HDAC4: variants seen among roughly 807,000 people sequenced by gnomAD.
The protein encoded by HDAC4 is histone deacetylase 4, also known as histone deacetylase A.
In HDAC4, 16 loss-of-function variants were observed where a neutral mutation model predicts 135.1. The ratio of observed to expected loss-of-function variants is 0.12; its 90% CI spans 0.08 to 0.18. HDAC4 has a LOEUF of 0.18. Ranked by LOEUF, HDAC4 falls within the 10% of genes least tolerant of loss-of-function variation. The pLI is 1.00. For missense variants in HDAC4, 1,143 were observed against 1,511.8 expected (o/e 0.76, Z 4.05); for synonymous variants, 685 against 653.4 (o/e 1.05, Z -0.74).
At chr2:239,105,208 G>A (rs953682102) in intron 15 of HDAC4, among the ~76,000 whole-genome samples, 2 of 152,214 alleles carry the variant, frequency 1.3e-5, no homozygotes, top group African/African-American at 4.8e-5. Flanking sequence ...AGCAAACACA[G>A]GCTTGGGGCA....
rs914061446 is a variant in HDAC4, at chr2:239,303,810, G to A, written c.22+48868C>T. Among the ~76,000 whole-genome samples, 2 of 152,134 alleles carry A rather than the reference G, an allele frequency of 1.3e-5. No homozygotes were observed. Among genetic ancestry groups the A allele is most frequent in the South Asian group, 2.1e-4 (1 of 4,828 alleles). On this transcript the variant is annotated intron_variant, in intron 2 of 26. Coordinates refer to ENST00000543185, the MANE Select transcript of HDAC4 (RefSeq NM_001378414.1). The surrounding 1 kb of genome is among the most constrained non-coding windows in gnomAD (Gnocchi z 5.1). Reference sequence around the variant, plus strand: ...TGCTCAACTGCAGGGCGCGGCACTCGCCTATGCTCTCATGAAGCCCCGTGC... The same window carrying A: ...TGCTCAACTGCAGGGCGCGGCACTCACCTATGCTCTCATGAAGCCCCGTGC...
At chr2:239,116,622 C>T (rs954626875) in intron 12 of HDAC4, among the ~76,000 whole-genome samples, 8 of 152,220 alleles carry the variant, frequency 5.3e-5, no homozygotes, top group South Asian at 2.1e-4. Context: ...AGTGAGGGCA[C>T]GCTTTCAAAC....
chr2:239,124,773 T>A (rs1416644172), intron 12 of HDAC4, among the ~76,000 whole-genome samples: 1 of 98,706 alleles, frequency 1.0e-5, no homozygotes, highest in African/African-American at 4.0e-5. Flanking sequence ...GACATTCTGG[T>A]GTGCTGGCGT....
At chr2:239,087,038 C>A (rs2036041094) in intron 19 of HDAC4, among the ~76,000 whole-genome samples, 1 of 152,166 alleles carries the variant, frequency 6.6e-6, no homozygotes, top group Non-Finnish European at 1.5e-5. Context: ...GGACCCACAC[C>A]CCACACTCGC....
intron 2 of HDAC4, among the ~76,000 whole-genome samples, chr2:239,283,480 G>A (rs2050942925): frequency 6.6e-6 from 1 of 152,214 alleles, no homozygotes; most frequent in Admixed American, 6.5e-5. Context: ...CCACCGCGAG[G>A]GGCCTGGGAC....
Position 239,245,035 on chromosome 2 carries a change from T to C in HDAC4, c.23-8371A>G, listed in dbSNP as rs1559277846. On this transcript the variant is annotated intron_variant, in intron 2 of 26. Coordinates refer to ENST00000543185, the MANE Select transcript of HDAC4 (RefSeq NM_001378414.1). This position sits in a 1 kb window ranked among gnomAD's most constrained non-coding sequence, Gnocchi z 4.4. Reference sequence around the variant, plus strand: ...CTGCCCATTAATAGAAATTAAACTTTAATGAGTAAGTGCTGTGAATTCCTC... The same window carrying C: ...CTGCCCATTAATAGAAATTAAACTTCAATGAGTAAGTGCTGTGAATTCCTC... 6.6e-6 allele frequency among the ~76,000 whole-genome samples: 1 copy of C among 152,218 alleles called. No individual in the cohort carries two copies. The highest frequency in any genetic ancestry group is 2.4e-5 in the African/African-American group (1 of 41,446).
chr2:239,226,554 C>T (rs965274738), intron 3 of HDAC4, among the ~76,000 whole-genome samples: 1 of 152,190 alleles, frequency 6.6e-6, no homozygotes, highest in African/African-American at 2.4e-5. Context: ...TCCACGACGC[C>T]CCAACCAATA....
intron 2 of HDAC4, among the ~76,000 whole-genome samples, chr2:239,242,077 A>AGAAG (rs143185918): frequency 0.046 from 6,817 of 149,294 alleles, 580 homozygotes; most frequent in African/African-American, 0.16. Context: ...AGAAAGAAAG[A>AGAAG]GAAGGAAGGA....
chr2:239,350,204 A>C (rs1693027334), intron 2 of HDAC4, among the ~76,000 whole-genome samples: 1 of 152,202 alleles, frequency 6.6e-6, no homozygotes, highest in Non-Finnish European at 1.5e-5. Context: ...AACATTAAAC[A>C]AAGAGAAATA....
chr2:239,263,478 G>A (rs191760455), intron 2 of HDAC4, among the ~76,000 whole-genome samples: 186 of 152,100 alleles, frequency 1.2e-3, no homozygotes, highest in Non-Finnish European at 1.5e-3. Flanking sequence ...AGGCGTCCAC[G>A]TCTACACCAC....
At chr2:239,084,270 G>A (rs1467809854) in intron 19 of HDAC4, 28 bp from the exon 20 acceptor site, 8 of 1,554,182 alleles carry the variant, frequency 5.1e-6, no homozygotes, top group South Asian at 2.3e-5. Flanking sequence ...CGCTGGAGAC[G>A]AAGCGCAGGT....
rs760713033 is a variant in HDAC4, at chr2:239,090,066, G to C, written c.2331C>G (p.Arg777=). ...GCTCTACCACGCAGCCCACAGCCAG[G>C]CGGGCTGCCCCCGCCGAGTGCACCT... The part of the protein sequence containing the change: ...WNEVHSAGAA[R]LAVGCVVELV... The change falls in exon 18 of 27, where the codon CGC becomes CGG. Residue 777 remains arginine (R), a synonymous_variant. Coordinates refer to ENST00000543185, the MANE Select transcript of HDAC4 (RefSeq NM_001378414.1). 2 of 1,613,858 alleles carry C rather than the reference G, an allele frequency of 1.2e-6. No individual in the cohort carries two copies. Among genetic ancestry groups the C allele is most frequent in the Non-Finnish European group, 1.7e-6 (2 of 1,180,022 alleles).
chr2:239,328,676 C>A (rs2053538738), intron 2 of HDAC4, among the ~76,000 whole-genome samples: 1 of 152,250 alleles, frequency 6.6e-6, no homozygotes, highest in African/African-American at 2.4e-5. Flanking sequence ...CCAGCGAGCA[C>A]AGCACACATC....
At chr2:239,300,318 G>A (rs1344852935) in intron 2 of HDAC4, among the ~76,000 whole-genome samples, 1 of 152,178 alleles carries the variant, frequency 6.6e-6, no homozygotes, top group South Asian at 2.1e-4. Context: ...GCTGTAGGTA[G>A]CTACTGGCCA....
At chr2:239,230,368 C>CAAAGAAA (rs2047474326) in intron 3 of HDAC4, among the ~76,000 whole-genome samples, 1 of 79,394 alleles carries the variant, frequency 1.3e-5, no homozygotes, top group African/African-American at 5.2e-5. Flanking sequence ...AGCAAGCAAG[C>CAAAGAAA]AAAAAAAAAA....
chr2:239,160,445 A>C (rs1033453702), intron 6 of HDAC4, among the ~76,000 whole-genome samples: 2 of 152,212 alleles, frequency 1.3e-5, no homozygotes, highest in Admixed American at 1.3e-4. Flanking sequence ...TGACTCACGT[A>C]AACACCCACA....
intron 1 of HDAC4, among the ~76,000 whole-genome samples, chr2:239,363,246 A>G (rs1341277359): frequency 6.6e-5 from 10 of 152,250 alleles, no homozygotes. Flanking sequence ...TCGGCAGTCA[A>G]TGCAATCGCA....
intron 2 of HDAC4, among the ~76,000 whole-genome samples, chr2:239,267,446 T>TA (rs1307386363): frequency 9.9e-5 from 15 of 152,158 alleles, no homozygotes; most frequent in Non-Finnish European, 2.1e-4. Flanking sequence ...GGTCCCCAGA[T>TA]ACAACGGTGG....
At chr2:239,271,242 T>C (rs2050042537) in intron 2 of HDAC4, among the ~76,000 whole-genome samples, 1 of 152,082 alleles carries the variant, frequency 6.6e-6, no homozygotes, top group South Asian at 2.1e-4. Flanking sequence ...CACTCCTGAG[T>C]AGCTGGAATC....
Sources: allele counts gnomAD v4.1 joint callset (sites outside exome capture counted in the v4.1 genomes callset), GRCh38; gene constraint gnomAD v4.1.1; non-coding constraint Gnocchi (gnomAD v3.1); transcripts MANE v1.5; gene names NCBI Gene and HGNC (gene_info 2026-07-23, HGNC 2026-07-21).